KPNA6: variants seen among roughly 807,000 people sequenced by gnomAD.
The protein encoded by KPNA6 is importin subunit alpha-7.
A neutral mutation model predicts 72.0 loss-of-function variants in KPNA6; 9 were observed. The observed-to-expected ratio is 0.13, with a 90% CI of 0.08 to 0.22. The LOEUF (loss-of-function observed/expected upper bound fraction) is 0.22. Ranked by LOEUF, KPNA6 falls within the 10% of genes least tolerant of loss-of-function variation. The pLI is 1.00. For missense variants in KPNA6, 374 were observed against 655.7 expected (o/e 0.57, Z 4.69); for synonymous variants, 219 against 242.1 (o/e 0.90, Z 0.89).
At chr1:32,135,131 A>G (rs1480779246) in intron 1 of KPNA6, among the ~76,000 whole-genome samples, 3 of 152,074 alleles carry the variant, frequency 2.0e-5, no homozygotes, top group African/African-American at 7.2e-5. Context: ...GCAGTGGCGC[A>G]ATCTCAGCTC....
intron 1 of KPNA6, among the ~76,000 whole-genome samples, chr1:32,119,016 ATATATATATATATATATT>A (rs1241838726): frequency 1.6e-4 from 11 of 69,330 alleles, no homozygotes; most frequent in African/African-American, 6.7e-4. Context: ...ATATATATAT[ATATATATATATATATATT>A]TTTTTTTTTT....
In KPNA6 at chr1:32,162,543, G is replaced by T; in HGVS notation, c.911+19G>T. ...TGCTGATGTGAGTGGTCTTAGAAGG[G>T]GTACAGGTTCTGGCTGGGCACGGTG... On this transcript the variant is annotated intron_variant, in intron 9 of 13. Coordinates refer to ENST00000373625, the MANE Select transcript of KPNA6 (RefSeq NM_012316.5). The T allele has an allele frequency of 6.2e-7, 1 of 1,613,082 alleles. No individual in the cohort carries two copies.
chr1:32,119,666 G>A (rs1641396160), intron 1 of KPNA6, among the ~76,000 whole-genome samples: 1 of 152,028 alleles, frequency 6.6e-6, no homozygotes, highest in Admixed American at 6.6e-5. Flanking sequence ...TTGTTGCCAT[G>A]GGGAAATGTG....
intron 1 of KPNA6, among the ~76,000 whole-genome samples, chr1:32,130,075 C>A (rs1324262855): frequency 6.6e-6 from 1 of 152,142 alleles, no homozygotes; most frequent in East Asian, 1.9e-4. Context: ...AGCTAATAAT[C>A]AAATCCTTAC....
Position 32,154,710 on chromosome 1 carries a change from C to G in KPNA6, c.127C>G (p.Arg43Gly). The stretch of plus-strand genomic sequence containing the variant: ...GGGCATTCAGCTCCGGAAGCAGAAG[C>G]GAGAGCAACAAGTGAGTTAATGGGA... ...EEGIQLRKQK[R>G]EQQLFKRRNV... Residue 43 changes from arginine to glycine, a missense_variant, in exon 2 of 14, where the codon CGA becomes GGA. Arg to Gly is a moderately radical substitution (Grantham distance 125). Transcript: ENST00000373625. The G allele has an allele frequency of 6.2e-7, 1 of 1,613,852 alleles. No individual in the cohort carries two copies. Among genetic ancestry groups the G allele is most frequent in the Non-Finnish European group, 8.5e-7 (1 of 1,179,900 alleles).
At chr1:32,129,357 G>A (rs185572883) in intron 1 of KPNA6, among the ~76,000 whole-genome samples, 3 of 151,754 alleles carry the variant, frequency 2.0e-5, no homozygotes, top group East Asian at 1.9e-4. Flanking sequence ...GTAGGGGTGG[G>A]GTTTCGCCAT....
At chr1:32,110,933 C>T (rs1641234991) in intron 1 of KPNA6, among the ~76,000 whole-genome samples, 1 of 152,100 alleles carries the variant, frequency 6.6e-6, no homozygotes, top group African/African-American at 2.4e-5. Flanking sequence ...GTGTTTGGAG[C>T]CTAAAGGGCT....
intron 1 of KPNA6, among the ~76,000 whole-genome samples, chr1:32,109,736 C>T (rs1010597664): frequency 1.3e-5 from 2 of 151,504 alleles, no homozygotes; most frequent in Non-Finnish European, 2.9e-5. Flanking sequence ...TACCACCTTC[C>T]CGGGTTCACG....
intron 13 of KPNA6, among the ~76,000 whole-genome samples, 153 bp from the exon 14 acceptor site, chr1:32,170,554 T>C (rs559677672): frequency 1.3e-5 from 2 of 152,334 alleles, no homozygotes; most frequent in East Asian, 3.9e-4. Context: ...AGAAGAAATC[T>C]TAACTCTCCC....
At chr1:32,132,835 G>A (rs960717305) in intron 1 of KPNA6, among the ~76,000 whole-genome samples, 2 of 151,964 alleles carry the variant, frequency 1.3e-5, no homozygotes, top group African/African-American at 4.8e-5. Flanking sequence ...CCTGGGAGGC[G>A]GAGCTTGCAG....
At chr1:32,122,222 C>G (rs1021347273) in intron 1 of KPNA6, among the ~76,000 whole-genome samples, 1 of 151,216 alleles carries the variant, frequency 6.6e-6, no homozygotes, top group African/African-American at 2.4e-5. Context: ...TGCAGTGAGC[C>G]GAGATCATAT....
At chr1:32,109,368 C>T (rs1166671459) in intron 1 of KPNA6, among the ~76,000 whole-genome samples, 1 of 151,828 alleles carries the variant, frequency 6.6e-6, no homozygotes, top group Non-Finnish European at 1.5e-5. Flanking sequence ...GACAGGGTTT[C>T]GTCATGTTGG....
chr1:32,157,877 A>T (rs1468926473), intron 4 of KPNA6, among the ~76,000 whole-genome samples: 2 of 152,184 alleles, frequency 1.3e-5, no homozygotes, highest in African/African-American at 4.8e-5. Context: ...TAATAAAAAA[A>T]TTTAATGTAT....
Position 32,144,425 on chromosome 1 carries a change from T to C in KPNA6, c.5-10163T>C, listed in dbSNP as rs561825939. ...TGTTGTCCATGGGTAACTGACACTC[T>C]GCAAAGCAAAACTGAATAAGGGAGA... On this transcript the variant is annotated intron_variant, in intron 1 of 13. Transcript: ENST00000373625. Among the ~76,000 whole-genome samples the C allele has an allele frequency of 2.6e-5, 4 of 152,364 alleles. No homozygotes were observed. The East Asian group carries it at 5.8e-4, about 22-fold the overall frequency.
rs374010866 is a variant in KPNA6, at chr1:32,166,176, G to A, written c.1062G>A (p.Lys354=). ...GCAGTCCCAAGGAGTCAATCCGGAAGGAAGCTTGCTGGACTATTTCAAATA... is the reference window on the plus strand; with the variant it reads ...GCAGTCCCAAGGAGTCAATCCGGAAAGAAGCTTGCTGGACTATTTCAAATA... The part of the protein sequence containing the change: ...LLSSPKESIR[K]EACWTISNIT... The change falls in exon 11 of 14, where the codon AAG becomes AAA. Residue 354 remains lysine (K), a synonymous_variant. Transcript: ENST00000373625. 8 of 1,614,160 alleles carry A rather than the reference G, an allele frequency of 5.0e-6. No homozygotes were observed. The highest frequency in any genetic ancestry group is 5.9e-6 in the Non-Finnish European group (7 of 1,180,008).
Position 32,172,898 on chromosome 1 carries a change from T to G in KPNA6, c.*2004T>G, listed in dbSNP as rs1433369736. On this transcript the variant is annotated 3_prime_UTR_variant, in exon 14 of 14. Transcript: ENST00000373625. Reference sequence around the variant, plus strand: ...ATCCATGCCCTTCTGCTTATAGACCTAAAGTTCAGGTACTTATTATTGGCC... The same window carrying G: ...ATCCATGCCCTTCTGCTTATAGACCGAAAGTTCAGGTACTTATTATTGGCC... The G allele has an allele frequency of 2.5e-6, 1 of 394,164 alleles. No individual in the cohort carries two copies. The highest frequency in any genetic ancestry group is 2.1e-5 in the African/African-American group (1 of 48,526). The allele number at this position is 394,164 out of a possible 1,614,324, so 24.4% of individuals were successfully genotyped here. A position where few individuals can be genotyped will look rare whatever the true frequency, so the allele number is the denominator to read the frequency against.
intron 1 of KPNA6, among the ~76,000 whole-genome samples, chr1:32,118,768 T>C (rs1392884238): frequency 6.6e-6 from 1 of 151,820 alleles, no homozygotes; most frequent in Non-Finnish European, 1.5e-5. Context: ...TACTCTAGCC[T>C]AGGTGACAGA....
intron 1 of KPNA6, among the ~76,000 whole-genome samples, chr1:32,148,314 T>G (rs1641967191): frequency 1.3e-5 from 2 of 150,806 alleles, no homozygotes; most frequent in Non-Finnish European, 3.0e-5. Context: ...TAATTTTTGT[T>G]TTTTTTTAGT....
intron 1 of KPNA6, among the ~76,000 whole-genome samples, chr1:32,140,163 T>G (rs1641812708): frequency 6.6e-6 from 1 of 152,102 alleles, no homozygotes; most frequent in Non-Finnish European, 1.5e-5. Flanking sequence ...GGCAGGCGGA[T>G]CACAAGGTCA....
Sources: allele counts gnomAD v4.1 joint callset (sites outside exome capture counted in the v4.1 genomes callset), GRCh38; gene constraint gnomAD v4.1.1; transcripts MANE v1.5; gene names NCBI Gene and HGNC (gene_info 2026-07-23, HGNC 2026-07-21).